Variants in BRF1 observed in about 807,000 individuals in gnomAD.
BRF1 encodes the protein BRF1 general transcription factor IIIB subunit, also known as transcription factor IIIB 90 kDa subunit.
Under a neutral mutation model 81.7 loss-of-function variants are expected in BRF1, and 59 were observed. That is an observed-to-expected ratio of 0.72 (90% CI 0.59 to 0.90). The LOEUF is 0.90. Among genes scored for constraint, BRF1 ranks in the 40% least tolerant of loss-of-function variants. The pLI is 0.00. For missense variants in BRF1, 1,050 were observed against 936.3 expected (o/e 1.12, Z -1.58); for synonymous variants, 491 against 395.6 (o/e 1.24, Z -2.86).
Position 105,229,125 on chromosome 14 carries a change from A to G in BRF1, c.695-212T>C, listed in dbSNP as rs587692283. ...TGTGGGTGGCGGCTGCACCCATTCCATTTTCAAATCAAGGAAAATTAAAAT... is the reference window on the plus strand; with the variant it reads ...TGTGGGTGGCGGCTGCACCCATTCCGTTTTCAAATCAAGGAAAATTAAAAT... On this transcript the variant is annotated intron_variant, in intron 6 of 17. Coordinates refer to ENST00000547530, the MANE Select transcript of BRF1 (RefSeq NM_001519.4). Among the ~76,000 whole-genome samples, 6 of 152,336 alleles carry G rather than the reference A, an allele frequency of 3.9e-5. No homozygotes were observed. The East Asian group carries it at 1.2e-3, about 29-fold the overall frequency.
intron 5 of BRF1, chr14:105,250,094 G>C (rs897244915): frequency 1.2e-6 from 2 of 1,612,828 alleles, no homozygotes; most frequent in African/African-American, 2.7e-5. Flanking sequence ...AGAGGAGTTT[G>C]CCAACGGCGC....
chr14:105,253,178 T>C (rs2055700466), intron 4 of BRF1, among the ~76,000 whole-genome samples: 1 of 152,220 alleles, frequency 6.6e-6, no homozygotes. Flanking sequence ...GCACCGCTGC[T>C]TGTCCTCAGC....
At chr14:105,250,332 T>G in intron 5 of BRF1, 1 of 1,613,548 alleles carries the variant, frequency 6.2e-7, no homozygotes, top group Non-Finnish European at 8.5e-7. Flanking sequence ...ATTGCAGGGC[T>G]GGGCCTGTAT....
chr14:105,286,343 A>T lies in BRF1; in HGVS notation c.218T>A (p.Phe73Tyr), dbSNP rs758925705. Residue 73 changes from phenylalanine to tyrosine, a missense_variant, in exon 2 of 18, where the codon TTC (phenylalanine) becomes TAC (tyrosine). By Grantham distance (22) the Phe-to-Tyr change is conservative. This residue lies in a region of BRF1 where 1,043 missense variants were observed against 915.4 expected (regional missense o/e 1.14). Transcript: ENST00000547530. ...CGACTCCTTCCCCAGATTCACGTGG[A>T]AGCCGCCACCCAGAGTCGGGGTTTT... Reference protein sequence around the residue: ...AGKTPTLGGGFHVNLGKESRA... With the variant: ...AGKTPTLGGGYHVNLGKESRA... The T allele has an allele frequency of 6.2e-7, 1 of 1,613,790 alleles. No homozygotes were observed. Among genetic ancestry groups the T allele is most frequent in the Non-Finnish European group, 8.5e-7 (1 of 1,179,920 alleles).
chr14:105,289,109 G>C (rs1027370140), intron 1 of BRF1, among the ~76,000 whole-genome samples: 4 of 151,840 alleles, frequency 2.6e-5, no homozygotes, highest in African/African-American at 9.7e-5. Context: ...CACTTTGAGA[G>C]GCTGAGGCAG....
chr14:105,248,322 C>A, intron 5 of BRF1: 1 of 985,456 alleles, frequency 1.0e-6, no homozygotes, highest in Non-Finnish European at 1.2e-6. Context: ...ACCAAAAGAT[C>A]GCTAACTGAA....
intron 4 of BRF1, 109 bp from the exon 5 acceptor site, chr14:105,252,688 C>T (rs2055677765): frequency 1.7e-6 from 2 of 1,183,560 alleles, no homozygotes; most frequent in Non-Finnish European, 2.3e-6. Flanking sequence ...TCCGATGGCC[C>T]GTGGAGCAGC....
intron 7 of BRF1, 130 bp from the exon 8 acceptor site, chr14:105,226,890 C>T: frequency 7.2e-7 from 1 of 1,384,382 alleles, no homozygotes; most frequent in Non-Finnish European, 9.9e-7. Flanking sequence ...GGGTGGATTG[C>T]TTGAGTCCAA....
chr14:105,281,378 C>T (rs587737557), intron 2 of BRF1, among the ~76,000 whole-genome samples: 14 of 140,482 alleles, frequency 1.0e-4, no homozygotes, highest in African/African-American at 5.4e-5. Flanking sequence ...ACCCTGAGCC[C>T]GGGTGTGTGG....
intron 6 of BRF1, 69 bp downstream of exon 6, chr14:105,241,196 T>C (rs1251568288): frequency 6.3e-7 from 1 of 1,583,762 alleles, no homozygotes; most frequent in Non-Finnish European, 8.6e-7. Context: ...CCACCAGCAC[T>C]CAGGAGTCAG....
intron 4 of BRF1, chr14:105,256,255 G>A (rs1566841658): frequency 6.5e-7 from 1 of 1,543,002 alleles, no homozygotes; most frequent in Non-Finnish European, 8.7e-7. Flanking sequence ...TGTTCACCCA[G>A]GCCTAGCTAA....
Position 105,271,134 on chromosome 14 carries a change from T to C in BRF1, c.439+1587A>G, listed in dbSNP as rs1316922616. Reference sequence around the variant, plus strand: ...GCTGGAAGCTAAAGTTCAGGTGCTGTCCCAAAGCAAAAAGATAGCCACGTG... The same window carrying C: ...GCTGGAAGCTAAAGTTCAGGTGCTGCCCCAAAGCAAAAAGATAGCCACGTG... On this transcript the variant is annotated intron_variant, in intron 3 of 17. Coordinates refer to ENST00000547530, the MANE Select transcript of BRF1 (RefSeq NM_001519.4). The surrounding 1 kb of genome is among the most constrained non-coding windows in gnomAD (Gnocchi z 5.5). 6.6e-6 allele frequency among the ~76,000 whole-genome samples: 1 copy of C among 152,120 alleles called. No homozygotes were observed. Among genetic ancestry groups the C allele is most frequent in the East Asian group, 1.9e-4 (1 of 5,198 alleles).
intron 6 of BRF1, among the ~76,000 whole-genome samples, chr14:105,229,315 C>T (rs587705734): frequency 6.6e-6 from 1 of 152,230 alleles, no homozygotes; most frequent in Admixed American, 6.5e-5. Context: ...CACAGGTTCA[C>T]CAAGGCCACA....
intron 1 of BRF1, among the ~76,000 whole-genome samples, chr14:105,288,178 G>A (rs940063514): frequency 1.3e-5 from 2 of 152,252 alleles, no homozygotes; most frequent in African/African-American, 4.8e-5. Flanking sequence ...AGAAGGTCCG[G>A]GCGCGGTGGC....
At chr14:105,242,606 A>C (rs995798824) in intron 5 of BRF1, 2 of 151,852 alleles carry the variant, frequency 1.3e-5, no homozygotes, top group Non-Finnish European at 2.9e-5. Flanking sequence ...GTGGTGGTGC[A>C]TGCCTCTAGT....
chr14:105,266,421 T>G (rs978120471), intron 3 of BRF1, among the ~76,000 whole-genome samples: 2 of 152,058 alleles, frequency 1.3e-5, no homozygotes, highest in African/African-American at 4.8e-5. Context: ...TTCTAAAAAA[T>G]TTTAAAAAAT....
chr14:105,241,554 C>G, intron 5 of BRF1, 140 bp from the exon 6 acceptor site: 4 of 1,111,540 alleles, frequency 3.6e-6, no homozygotes, highest in Non-Finnish European at 3.8e-6. Flanking sequence ...CTCCCCTGGA[C>G]AAAGCCTCTC....
chr14:105,221,424 C>G (rs1034900551), intron 11 of BRF1, among the ~76,000 whole-genome samples: 1 of 152,220 alleles, frequency 6.6e-6, no homozygotes, highest in Non-Finnish European at 1.5e-5. Flanking sequence ...TGACGAGACT[C>G]ACTGCATTCT....
intron 2 of BRF1, among the ~76,000 whole-genome samples, chr14:105,274,849 C>T (rs772740798): frequency 3.9e-5 from 6 of 152,314 alleles, no homozygotes; most frequent in Non-Finnish European, 7.3e-5. Flanking sequence ...GCACAGTGGG[C>T]GTCGTGGGCA....
Sources: gnomAD v4.1 joint callset for allele counts (sites outside exome capture counted in the v4.1 genomes callset) on GRCh38, gnomAD v4.1.1 for gene constraint, gnomAD v4.1.1 regional missense constraint, Gnocchi (gnomAD v3.1) non-coding constraint, MANE v1.5 for transcripts, NCBI Gene and HGNC (gene_info 2026-07-23, HGNC 2026-07-21) for gene names.